The following CHIC2 variants were observed in gnomAD, a reference collection of about 807,000 sequenced individuals.
The protein encoded by CHIC2 is cysteine rich hydrophobic domain 2.
A neutral mutation model predicts 25.9 loss-of-function variants in CHIC2; 14 were observed. The observed-to-expected ratio is 0.54, with a 90% CI of 0.36 to 0.85. The LOEUF (loss-of-function observed/expected upper bound fraction) is 0.85, where lower values mean the gene tolerates loss of function less well. Among genes scored for constraint, CHIC2 ranks in the 40% least tolerant of loss-of-function variants. The pLI, the probability that CHIC2 is intolerant of heterozygous loss-of-function variation, is 0.01. For synonymous variants in CHIC2, 70 were observed against 72.0 expected, an observed-to-expected ratio of 0.97 and a Z score of 0.14; for missense variants, 146 against 202.0, an observed-to-expected ratio of 0.72 and a Z score of 1.68.
rs1192363867 is a variant in CHIC2 at position 54,038,610 on chromosome 4, T to TG, written c.330+10344dup. 2.0e-5 allele frequency among the ~76,000 whole-genome samples: 3 copies of TG among 152,298 alleles called. No individual in the cohort carries two copies. The East Asian group carries it at 5.8e-4, about 29-fold the overall frequency. On this transcript the variant is annotated intron_variant, in intron 3 of 5. Transcript: ENST00000263921. ...AATACCAGTGTTTCTTATAGATATT[T>TG]GACAAGCTAATTCTAAAATTTATAA... is the stretch of plus-strand genomic sequence containing the variant.
chr4:54,056,801 T>C (rs1482539002), intron 1 of CHIC2, among the ~76,000 whole-genome samples: 2 of 152,168 alleles, frequency 1.3e-5, no homozygotes, highest in Non-Finnish European at 2.9e-5. Flanking sequence ...ATGTAAGATA[T>C]AAAAAACACA....
chr4:54,071,515 G>C, the CHIC2 span, among the ~76,000 whole-genome samples: 1 of 152,222 alleles, frequency 6.6e-6, no homozygotes, highest in Non-Finnish European at 1.5e-5. Context: ...CACACAACTA[G>C]GAAGTGGTAG....
chr4:54,057,187 GGTTTAC>G (rs1283595738), intron 1 of CHIC2, among the ~76,000 whole-genome samples: 5 of 152,168 alleles, frequency 3.3e-5, no homozygotes, highest in African/African-American at 1.2e-4. Flanking sequence ...GAAATTTGAT[GGTTTAC>G]ACACAGAACT....
the CHIC2 span, chr4:54,087,306 C>G: frequency 3.5e-6 from 2 of 573,826 alleles, no homozygotes; most frequent in Non-Finnish European, 6.2e-6. Flanking sequence ...CCTGAAGAAT[C>G]GAAACCATGG....
intron 1 of CHIC2, among the ~76,000 whole-genome samples, chr4:54,050,403 A>G (rs1448813773): frequency 6.6e-6 from 1 of 151,968 alleles, no homozygotes; most frequent in East Asian, 1.9e-4. Flanking sequence ...AACCACTCCA[A>G]TCTGTTATCC....
chr4:54,055,582 G>A (rs1717150304), intron 1 of CHIC2, among the ~76,000 whole-genome samples: 1 of 152,166 alleles, frequency 6.6e-6, no homozygotes, highest in South Asian at 2.1e-4. Context: ...TAGATACAGA[G>A]AATTTTTATG....
chr4:54,039,283 G>A (rs1004698927), intron 3 of CHIC2, among the ~76,000 whole-genome samples: 14 of 152,082 alleles, frequency 9.2e-5, no homozygotes, highest in East Asian at 7.7e-4. Context: ...CATTGTTGGA[G>A]AATGAAAAGA....
At chr4:54,039,400 A>G (rs1391058527) in intron 3 of CHIC2, among the ~76,000 whole-genome samples, 1 of 152,248 alleles carries the variant, frequency 6.6e-6, no homozygotes, top group Non-Finnish European at 1.5e-5. Flanking sequence ...ATTTTTAAAT[A>G]GGCAAAATAT....
the CHIC2 span, among the ~76,000 whole-genome samples, chr4:54,082,039 A>T: frequency 6.6e-6 from 1 of 152,240 alleles, no homozygotes; most frequent in Non-Finnish European, 1.5e-5. Context: ...CGAAGCAAAA[A>T]GGTTGATCCC....
At chr4:54,073,885 A>G in the CHIC2 span, among the ~76,000 whole-genome samples, 2 of 152,182 alleles carry the variant, frequency 1.3e-5, no homozygotes, top group Admixed American at 6.5e-5. Context: ...GACCGGGCGC[A>G]GTGGCTCATG....
At chr4:54,015,863 AG>A (rs776375018) in intron 3 of CHIC2, among the ~76,000 whole-genome samples, 2 of 152,224 alleles carry the variant, frequency 1.3e-5, no homozygotes, top group African/African-American at 2.4e-5. Flanking sequence ...ACCGCCTCTC[AG>A]GTCTATGAAG....
chr4:54,082,849 T>C, the CHIC2 span, among the ~76,000 whole-genome samples: 1 of 152,182 alleles, frequency 6.6e-6, no homozygotes, highest in Non-Finnish European at 1.5e-5. Flanking sequence ...ATATTCAAAC[T>C]ACTCTAAGTA....
intron 3 of CHIC2, among the ~76,000 whole-genome samples, chr4:54,023,464 A>G (rs892505025): frequency 1.3e-5 from 2 of 152,018 alleles, no homozygotes; most frequent in Non-Finnish European, 2.9e-5. Context: ...GTCTCCCACA[A>G]TTACCACTGT....
chr4:54,017,483 G>C (rs1415198174), intron 3 of CHIC2, among the ~76,000 whole-genome samples: 1 of 152,148 alleles, frequency 6.6e-6, no homozygotes, highest in African/African-American at 2.4e-5. Flanking sequence ...AAAGAACAGG[G>C]GAAGGGGCAG....
chr4:54,020,124 C>T (rs1352338398), intron 3 of CHIC2, among the ~76,000 whole-genome samples: 1 of 152,148 alleles, frequency 6.6e-6, no homozygotes, highest in Non-Finnish European at 1.5e-5. Context: ...CCCCTGTGAC[C>T]TGCACGTATA....
At chr4:54,035,138 G>A (rs1268558117) in intron 3 of CHIC2, among the ~76,000 whole-genome samples, 1 of 152,168 alleles carries the variant, frequency 6.6e-6, no homozygotes, top group Non-Finnish European at 1.5e-5. Flanking sequence ...GGACTTGATA[G>A]GCTAAACGTC....
chr4:54,037,706 G>A (rs1248746329), intron 3 of CHIC2, among the ~76,000 whole-genome samples: 1 of 152,098 alleles, frequency 6.6e-6, no homozygotes, highest in African/African-American at 2.4e-5. Flanking sequence ...ATCACACCAA[G>A]TATATGCTTT....
Position 54,062,863 on chromosome 4 carries a change from CATG to C in CHIC2, c.119+1316_119+1318del, listed in dbSNP as rs1717378972. Among the ~76,000 whole-genome samples the C allele has an allele frequency of 2.0e-5, 3 of 152,086 alleles. No individual in the cohort carries two copies. The South Asian group carries it at 6.2e-4, about 31-fold the overall frequency. On this transcript the variant is annotated intron_variant, in intron 1 of 5. Transcript: ENST00000263921. ...TGATATATGTTAAAAGTTTAATATC[CATG>C]ATATTTGGTTATACTTCTTAAGCTG...
At chr4:54,031,773 C>T (rs1401676888) in intron 3 of CHIC2, among the ~76,000 whole-genome samples, 1 of 151,982 alleles carries the variant, frequency 6.6e-6, no homozygotes, top group South Asian at 2.1e-4. Flanking sequence ...GCACGTGTCA[C>T]CACGCCCAGC....
Sources: gnomAD v4.1 joint callset for allele counts (sites outside exome capture counted in the v4.1 genomes callset) on GRCh38, gnomAD v4.1.1 for gene constraint, MANE v1.5 for transcripts, NCBI Gene and HGNC (gene_info 2026-07-23, HGNC 2026-07-21) for gene names.